Variants in GFRA1 observed in about 807,000 individuals in gnomAD.
The protein encoded by GFRA1 is GDNF family receptor alpha-1.
Under a neutral mutation model 51.6 loss-of-function variants are expected in GFRA1, and 16 were observed. That is an observed-to-expected ratio of 0.31 (90% CI 0.21 to 0.47). The LOEUF (loss-of-function observed/expected upper bound fraction) is 0.47. Ranked by LOEUF, GFRA1 falls within the 20% of genes least tolerant of loss-of-function variation. The pLI, the probability that GFRA1 is intolerant of heterozygous loss-of-function variation, is 1.00. For synonymous variants in GFRA1, 270 were observed against 241.3 expected (o/e 1.12, Z -1.10); for missense variants, 530 against 594.3 (o/e 0.89, Z 1.13).
chr10:116,119,779 T>C (rs1406619223), intron 6 of GFRA1, among the ~76,000 whole-genome samples: 1 of 152,214 alleles, frequency 6.6e-6, no homozygotes, highest in Non-Finnish European at 1.5e-5. Flanking sequence ...TCTCACCTTT[T>C]AAAGGTGCAC....
intron 5 of GFRA1, among the ~76,000 whole-genome samples, chr10:116,163,050 G>A (rs1217571841): frequency 6.6e-6 from 1 of 152,264 alleles, no homozygotes; most frequent in South Asian, 2.1e-4. Flanking sequence ...TCCATAGCGT[G>A]GGAAAGGCCA....
chr10:116,133,668 G>A (rs1393689587), intron 5 of GFRA1, among the ~76,000 whole-genome samples: 1 of 152,210 alleles, frequency 6.6e-6, no homozygotes, highest in African/African-American at 2.4e-5. Context: ...ATAAAATGTG[G>A]TGATGAGGGA....
chr10:116,182,230 C>T (rs1962304251), intron 5 of GFRA1, among the ~76,000 whole-genome samples: 1 of 151,992 alleles, frequency 6.6e-6, no homozygotes, highest in South Asian at 2.1e-4. Flanking sequence ...TGATAGTGTT[C>T]CATAAACCAA....
At position 116,237,923 on chromosome 10, in the gene GFRA1, A is replaced by G. The variant is rs539655180; in HGVS notation, c.419-26278T>C. ...ACCTGTGCTTCCACCTCCAGGCATC[A>G]CAGGGACACATCCAAGCTGAGCATC... On this transcript the variant is annotated intron_variant, in intron 4 of 10. Transcript: ENST00000355422. Among the ~76,000 whole-genome samples the G allele has an allele frequency of 2.0e-5, 3 of 152,304 alleles. No homozygotes were observed. The East Asian group carries it at 5.8e-4, about 29-fold the overall frequency.
intron 4 of GFRA1, among the ~76,000 whole-genome samples, chr10:116,256,965 G>A (rs1589917236): frequency 1.6e-5 from 1 of 64,140 alleles, no homozygotes; most frequent in East Asian, 3.8e-4. Flanking sequence ...GCTCCCAAGC[G>A]AGAGAGCAGA....
chr10:116,224,029 A>G (rs1267622306), intron 4 of GFRA1, among the ~76,000 whole-genome samples: 1 of 152,208 alleles, frequency 6.6e-6, no homozygotes, highest in East Asian at 1.9e-4. Context: ...GAAACAGAGC[A>G]TCGCTCACTA....
chr10:116,144,709 A>G (rs1456543182), intron 5 of GFRA1, among the ~76,000 whole-genome samples: 1 of 152,240 alleles, frequency 6.6e-6, no homozygotes, highest in African/African-American at 2.4e-5. Context: ...AAATAAATTA[A>G]CAAATTAAAA....
chr10:116,130,652 T>C (rs756614507), intron 5 of GFRA1, among the ~76,000 whole-genome samples: 1 of 152,052 alleles, frequency 6.6e-6, no homozygotes, highest in Non-Finnish European at 1.5e-5. Context: ...AGAAATCCAA[T>C]GGGGGAAGAG....
intron 9 of GFRA1, among the ~76,000 whole-genome samples, chr10:116,083,269 C>T (rs989794823): frequency 4.6e-5 from 7 of 151,876 alleles, no homozygotes; most frequent in Non-Finnish European, 7.3e-5. Context: ...ACCCCCTTCC[C>T]GGAGCCAGGA....
chr10:116,269,972 G>A (rs1256195644), intron 3 of GFRA1, among the ~76,000 whole-genome samples: 1 of 152,058 alleles, frequency 6.6e-6, no homozygotes, highest in Admixed American at 6.6e-5. Context: ...CCAAAACCTG[G>A]CATACGGTTG....
upstream of GFRA1, among the ~76,000 whole-genome samples, chr10:116,274,551 C>A (rs541129375): frequency 6.8e-4 from 104 of 152,296 alleles, no homozygotes; most frequent in Middle Eastern, 3.4e-3. Context: ...CAGCCAGGCG[C>A]GCCCCTCGGC....
intron 4 of GFRA1, among the ~76,000 whole-genome samples, chr10:116,224,849 G>T (rs1008285716): frequency 6.6e-6 from 1 of 152,186 alleles, no homozygotes; most frequent in Non-Finnish European, 1.5e-5. Context: ...GTCCTGGGTT[G>T]TGAATACATT....
At chr10:116,171,093 A>G (rs1187843497) in intron 5 of GFRA1, among the ~76,000 whole-genome samples, 2 of 152,248 alleles carry the variant, frequency 1.3e-5, no homozygotes, top group African/African-American at 4.8e-5. Context: ...ACATAGACAC[A>G]CAATGAATCA....
At chr10:116,065,819 T>TTAAAATATATATTAAAATTGGGTTA (rs1389779704) in intron 9 of GFRA1, among the ~76,000 whole-genome samples, 193 bp from the exon 10 acceptor site, 1 of 152,292 alleles carries the variant, frequency 6.6e-6, no homozygotes, top group East Asian at 1.9e-4. Flanking sequence ...TTTAATAATA[T>TTAAAATATATATTAAAATTGGGTTA]ATATTATTTA....
intron 5 of GFRA1, among the ~76,000 whole-genome samples, chr10:116,203,942 C>T (rs574907405): frequency 6.6e-6 from 1 of 152,202 alleles, no homozygotes; most frequent in Non-Finnish European, 1.5e-5. Context: ...TAAGGCAAAC[C>T]CACTGAGAAA....
At position 116,092,735 on chromosome 10, in the gene GFRA1, G is replaced by A. The variant is rs564244428; in HGVS notation, c.1015+967C>T. ...CCAGGCTTTACTCAGCTGTATGGCA[G>A]GATAAAACCACCTATGTCTATGAGG... On this transcript the variant is annotated intron_variant, in intron 8 of 10. Transcript: ENST00000355422. Among the ~76,000 whole-genome samples the A allele has an allele frequency of 2.6e-5, 4 of 152,246 alleles. No individual in the cohort carries two copies. The South Asian group carries it at 8.3e-4, about 32-fold the overall frequency.
intron 4 of GFRA1, among the ~76,000 whole-genome samples, chr10:116,268,960 T>C (rs548702487): frequency 7.2e-5 from 11 of 152,312 alleles, no homozygotes; most frequent in African/African-American, 2.4e-4. Context: ...CTCTCATAAA[T>C]GCACACACTT....
chr10:116,198,234 T>C (rs1055417013), intron 5 of GFRA1, among the ~76,000 whole-genome samples: 1 of 116,870 alleles, frequency 8.6e-6, no homozygotes, highest in Non-Finnish European at 1.9e-5. Flanking sequence ...GATATTAACT[T>C]TCAACTGCTG....
At chr10:116,120,924 G>A (rs2694815) in intron 6 of GFRA1, among the ~76,000 whole-genome samples, 32,026 of 152,122 alleles carry the variant, frequency 0.21, 3,450 homozygotes, top group Middle Eastern at 0.26. Context: ...TAAAGCTACC[G>A]GCAAGCGGGC....
Sources: allele counts gnomAD v4.1 joint callset (sites outside exome capture counted in the v4.1 genomes callset), GRCh38; gene constraint gnomAD v4.1.1; transcripts MANE v1.5; gene names NCBI Gene and HGNC (gene_info 2026-07-23, HGNC 2026-07-21).